The following CLASP1 variants were observed in gnomAD, a reference collection of about 807,000 sequenced individuals.
CLASP1 encodes cytoplasmic linker associated protein 1.
In CLASP1, 38 loss-of-function variants were observed where a neutral mutation model predicts 192.3. The observed-to-expected ratio is 0.20, with a 90% CI of 0.15 to 0.26. The LOEUF is 0.26. CLASP1 is among the 10% of genes least tolerant of loss of function. The pLI is 1.00. For missense variants in CLASP1, 1,433 were observed against 1,932.5 expected, an observed-to-expected ratio of 0.74 and a Z score of 4.85; for synonymous variants, 691 against 712.8, an observed-to-expected ratio of 0.97 and a Z score of 0.49.
chr2:121,597,319 C>G (rs1293017063), intron 2 of CLASP1, among the ~76,000 whole-genome samples: 3 of 152,148 alleles, frequency 2.0e-5, no homozygotes, highest in Admixed American at 2.0e-4. Flanking sequence ...AGTAAATGCA[C>G]CACAGCCATA....
chr2:121,408,953 C>T, intron 24 of CLASP1: 4 of 1,388,398 alleles, frequency 2.9e-6, no homozygotes, highest in Admixed American at 4.6e-5. Flanking sequence ...TTGGTTTTCA[C>T]TAGCTTCTAA....
intron 19 of CLASP1, among the ~76,000 whole-genome samples, chr2:121,442,286 G>T (rs552670077): frequency 2.0e-4 from 30 of 152,184 alleles, no homozygotes; most frequent in Admixed American, 4.6e-4. Flanking sequence ...ACATACTGAA[G>T]ATAATAACCT....
At chr2:121,401,448 G>T in intron 28 of CLASP1, 61 bp downstream of exon 29, 1 of 1,378,198 alleles carries the variant, frequency 7.3e-7, no homozygotes, top group Non-Finnish European at 1.0e-6. Flanking sequence ...AAAGAGAATG[G>T]CAAAAAGTCA....
intron 37 of CLASP1, among the ~76,000 whole-genome samples, chr2:121,362,116 C>T (rs964440035): frequency 7.2e-5 from 11 of 152,252 alleles, no homozygotes; most frequent in African/African-American, 2.7e-4. Flanking sequence ...CACGAGTGTG[C>T]TCACACGACA....
chr2:121,441,531 G>C (rs2083340775), intron 19 of CLASP1, among the ~76,000 whole-genome samples: 1 of 152,038 alleles, frequency 6.6e-6, no homozygotes, highest in Non-Finnish European at 1.5e-5. Context: ...TTTAAGACCA[G>C]ACTAGGCAAC....
chr2:121,528,182 CA>C (rs2094629740), intron 4 of CLASP1, among the ~76,000 whole-genome samples: 1 of 152,154 alleles, frequency 6.6e-6, no homozygotes, highest in Admixed American at 6.5e-5. Flanking sequence ...AAAGCAAGGC[CA>C]AAGGAGCTAG....
At chr2:121,620,944 G>A (rs928216145) in intron 1 of CLASP1, among the ~76,000 whole-genome samples, 4 of 152,100 alleles carry the variant, frequency 2.6e-5, no homozygotes, top group African/African-American at 9.7e-5. Context: ...TCATACTGAA[G>A]AAGCCACGCA....
intron 16 of CLASP1, among the ~76,000 whole-genome samples, chr2:121,449,807 T>C (rs72969314): frequency 1.5e-3 from 230 of 152,218 alleles, no homozygotes; most frequent in African/African-American, 5.2e-3. Flanking sequence ...GTGAAGGCAG[T>C]CAAAGAGCAA....
intron 2 of CLASP1, among the ~76,000 whole-genome samples, chr2:121,555,100 T>C (rs1390782715): frequency 2.0e-5 from 3 of 151,878 alleles, no homozygotes; most frequent in Non-Finnish European, 2.9e-5. Context: ...AGACCCAGAG[T>C]CCTAATGGAG....
At chr2:121,429,105 G>A (rs1445682012) in intron 20 of CLASP1, among the ~76,000 whole-genome samples, 2 of 152,150 alleles carry the variant, frequency 1.3e-5, no homozygotes, top group Non-Finnish European at 2.9e-5. Flanking sequence ...TTTCTTTGCA[G>A]AAATTATATA....
Position 121,451,853 on chromosome 2 carries a change from A to T in CLASP1, c.1386-4T>A. The T allele has an allele frequency of 6.4e-7, 1 of 1,555,510 alleles. No homozygotes were observed. The highest frequency in any genetic ancestry group is 8.7e-7 in the Non-Finnish European group (1 of 1,147,028). On this transcript the variant is annotated splice_region_variant and splice_polypyrimidine_tract_variant and intron_variant, in intron 14 of 39. Transcript: ENST00000263710. ...ATCTAAAAATTCAAAACAGCGCCTA[A>T]AAAGTATTAAGAAATACACAACTTA...
chr2:121,515,565 A>C, intron 7 of CLASP1, 100 bp downstream of exon 7: 1 of 925,540 alleles, frequency 1.1e-6, no homozygotes, highest in Non-Finnish European at 1.7e-6. Context: ...TGAATAAAAT[A>C]ACCACAACAG....
chr2:121,403,442 G>A, intron 26 of CLASP1: 1 of 456,698 alleles, frequency 2.2e-6, no homozygotes, highest in South Asian at 1.5e-5. Flanking sequence ...GAAAGAAGAT[G>A]ATGATGACTA....
At chr2:121,415,707 A>T (rs932713475) in intron 23 of CLASP1, among the ~76,000 whole-genome samples, 1 of 152,216 alleles carries the variant, frequency 6.6e-6, no homozygotes, top group Non-Finnish European at 1.5e-5. Flanking sequence ...CAGAAAATTT[A>T]TAGGTTTAAC....
chr2:121,568,655 C>T (rs1224720005), intron 2 of CLASP1, among the ~76,000 whole-genome samples: 1 of 151,680 alleles, frequency 6.6e-6, no homozygotes, highest in Non-Finnish European at 1.5e-5. Context: ...CTAAAATGTA[C>T]TAGATATTTC....
intron 8 of CLASP1, among the ~76,000 whole-genome samples, chr2:121,485,382 C>A (rs556484816): frequency 3.2e-4 from 49 of 152,330 alleles, no homozygotes; most frequent in Non-Finnish European, 5.4e-4. Context: ...TGGCCACCAG[C>A]ATATGCACAC....
chr2:121,429,790 G>A (rs2081072053), intron 20 of CLASP1, among the ~76,000 whole-genome samples: 1 of 152,190 alleles, frequency 6.6e-6, no homozygotes, highest in Non-Finnish European at 1.5e-5. Flanking sequence ...GAACAGATAA[G>A]CTACAATTTG....
intron 7 of CLASP1, among the ~76,000 whole-genome samples, chr2:121,503,596 CCT>C: frequency 6.6e-6 from 1 of 152,236 alleles, no homozygotes; most frequent in East Asian, 1.9e-4. Context: ...GTGTGTTTCT[CCT>C]CTTTCTTTCT....
intron 21 of CLASP1, 110 bp from the exon 22 acceptor site, chr2:121,425,416 T>C (rs2149602916): frequency 1.2e-6 from 1 of 849,596 alleles, no homozygotes; most frequent in Non-Finnish European, 1.7e-6. Flanking sequence ...TACACAATTT[T>C]ATATAAAAAT....
Sources: allele counts gnomAD v4.1 joint callset (sites outside exome capture counted in the v4.1 genomes callset), GRCh38; gene constraint gnomAD v4.1.1; transcripts MANE v1.5; gene names NCBI Gene and HGNC (gene_info 2026-07-23, HGNC 2026-07-21).